Variants in SLC5A6 observed in about 807,000 individuals in gnomAD.
SLC5A6 encodes the protein solute carrier family 5 member 6, also known as sodium-dependent multivitamin transporter.
Under a neutral mutation model 67.9 loss-of-function variants are expected in SLC5A6, and 31 were observed. That is an observed-to-expected ratio of 0.46 (90% CI 0.34 to 0.62). SLC5A6 has a LOEUF of 0.62. SLC5A6 is among the 20% of genes least tolerant of loss of function. The pLI is 0.01. For synonymous variants in SLC5A6, 343 were observed against 331.0 expected (o/e 1.04, Z -0.39); for missense variants, 673 against 812.8 (o/e 0.83, Z 2.09).
chr2:27,212,431 C>G (rs1263956061), upstream of SLC5A6: 3 of 1,558,642 alleles, frequency 1.9e-6, no homozygotes, highest in African/African-American at 4.1e-5. Context: ...CCCTGCTCCT[C>G]GCTCTGGGCG....
intron 16 of SLC5A6, 99 bp from the exon 17 acceptor site, chr2:27,200,678 C>G (rs570743704): frequency 7.6e-7 from 1 of 1,309,004 alleles, no homozygotes; most frequent in South Asian, 1.4e-5. Flanking sequence ...GGGAGCCCAG[C>G]AAGGCTGGGT....
rs138079521 is a variant in SLC5A6, at chr2:27,201,359, G to C, written c.1639C>G (p.Leu547Val). The part of the protein sequence containing the change: ...TVIVVGLIVS[L>V]LTGRMRGRSL... ...AATCCCACACCCTTACCAGTGAGTA[G>C]ACTGACAATCAGGCCCACCACAATC... The change falls in exon 15 of 17, where the codon CTA (leucine) becomes GTA (valine). Residue 547 changes from leucine to valine, a missense_variant. Transcript: ENST00000310574. The C allele has an allele frequency of 3.9e-5, 63 of 1,604,904 alleles. No homozygotes were observed. In the African/African-American group the frequency reaches 6.5e-4, roughly 17 times the overall value.
intron 6 of SLC5A6, 137 bp from the exon 7 acceptor site, chr2:27,205,641 G>C (rs1462121332): frequency 9.5e-7 from 1 of 1,056,872 alleles, no homozygotes; most frequent in Non-Finnish European, 1.4e-6. Flanking sequence ...CCAGTTTTTA[G>C]TTTCTGTCTC....
intron 15 of SLC5A6, 47 bp downstream of exon 15, chr2:27,201,303 C>T (rs1673616231): frequency 7.6e-7 from 1 of 1,319,264 alleles, no homozygotes; most frequent in East Asian, 2.3e-5. Flanking sequence ...TTAGGGCCCT[C>T]TGTTAACCCC....
In SLC5A6 at chr2:27,202,739, G is replaced by A; in HGVS notation, c.1275+74C>T. ...CCCGGTCATTCCCCTCAATATAGCT[G>A]CCCTTCTCAACTTCCTGTTTCAATC... On this transcript the variant is annotated intron_variant, in intron 12 of 16. Transcript: ENST00000310574. 9.4e-6 allele frequency: 12 copies of A among 1,283,406 alleles called. 1 individual carries two copies. In the South Asian group the frequency reaches 1.4e-4, roughly 15 times the overall value. 79.5% of individuals were successfully genotyped at this position (1,283,406 alleles called of 1,614,324 possible).
At chr2:27,204,362 C>T (rs990884756) in intron 9 of SLC5A6, 99 bp downstream of exon 9, 11 of 1,377,656 alleles carry the variant, frequency 8.0e-6, no homozygotes, top group Non-Finnish European at 1.1e-5. Flanking sequence ...GTCTCCCACC[C>T]AGGGTGGGAG....
chr2:27,212,073 G>A lies in SLC5A6; in HGVS notation c.-261C>T. 1.6e-6 allele frequency: 2 copies of A among 1,273,958 alleles called. No individual in the cohort carries two copies. Among genetic ancestry groups the A allele is most frequent in the Non-Finnish European group, 2.1e-6 (2 of 950,168 alleles). 78.9% of individuals were successfully genotyped at this position (1,273,958 alleles called of 1,614,324 possible). On this transcript the variant is annotated 5_prime_UTR_variant, in exon 1 of 17. Transcript: ENST00000310574. ...TGCGAAGCCGCGACCTCGGCGTCCGGACGCGGGGAACACCGGGCTGAGGGA... is the reference window on the plus strand; with the variant it reads ...TGCGAAGCCGCGACCTCGGCGTCCGAACGCGGGGAACACCGGGCTGAGGGA...
Position 27,204,775 on chromosome 2 carries a change from C to A in SLC5A6, c.875+16G>T, listed in dbSNP as rs1405811381. On this transcript the variant is annotated intron_variant, in intron 8 of 16. Coordinates refer to ENST00000310574, the MANE Select transcript of SLC5A6 (RefSeq NM_021095.4). ...CCCTAGACCTTGCTCCACTCCCTTC[C>A]TGTCCCTGCACTCACAGCACAGCAG... 1 of 1,614,114 alleles carries A rather than the reference C, an allele frequency of 6.2e-7. No homozygotes were observed. The highest frequency in any genetic ancestry group is 8.5e-7 in the Non-Finnish European group (1 of 1,179,968).
In SLC5A6 at chr2:27,206,014, T is replaced by C. The variant is rs1674034854; in HGVS notation, c.579+12A>G. ...CCCTTCCCCTCCCCACACCACGGCT[T>C]ACTGCACTTACCAGAGCTGTATAGA... On this transcript the variant is annotated intron_variant, in intron 6 of 16. Transcript: ENST00000310574. 6.2e-7 allele frequency: 1 copy of C among 1,607,164 alleles called. No individual in the cohort carries two copies. Among genetic ancestry groups the C allele is most frequent in the South Asian group, 1.1e-5 (1 of 90,928 alleles).
At position 27,199,692 on chromosome 2, in the gene SLC5A6, C is replaced by T. The variant is rs1467423297; in HGVS notation, c.*744G>A. 6.6e-5 allele frequency: 10 copies of T among 152,486 alleles called. No homozygotes were observed. The highest frequency in any genetic ancestry group is 5.2e-4 in the Admixed American group (8 of 15,272). 9.4% of individuals were successfully genotyped at this position (152,486 alleles called of 1,614,324 possible). On this transcript the variant is annotated 3_prime_UTR_variant, in exon 17 of 17. Coordinates refer to ENST00000310574, the MANE Select transcript of SLC5A6 (RefSeq NM_021095.4). ...ATGACAGAAATGACACCACGGCAGC[C>T]TGGCTCAGGAGTCAGGTAGATAGAT... is the stretch of plus-strand genomic sequence containing the variant.
chr2:27,201,182 T>C, intron 15 of SLC5A6, 69 bp from the exon 16 acceptor site: 1 of 1,262,120 alleles, frequency 7.9e-7, no homozygotes, highest in Non-Finnish European at 1.1e-6. Context: ...TGTCCTCCCT[T>C]GGCCCCCAGA....
chr2:27,206,289 G>A, intron 5 of SLC5A6, 194 bp downstream of exon 5: 1 of 697,538 alleles, frequency 1.4e-6, no homozygotes, highest in East Asian at 2.7e-5. Context: ...ATAGGGCATG[G>A]TAACATGTTA....
rs568571649 is a variant in SLC5A6 at position 27,206,041 on chromosome 2, G to A, written c.564C>T (p.Thr188=). Reference sequence around the variant, plus strand: ...CTGCACTTACCAGAGCTGTATAGACGGTACAGACAATGCCCAGGGCCAGCA... The same window carrying A: ...CTGCACTTACCAGAGCTGTATAGACAGTACAGACAATGCCCAGGGCCAGCA... ...LSVLALGIVC[T]VYTALGGLKA... is the part of the protein sequence containing the mutation. Residue 188 remains threonine (T), a synonymous_variant, in exon 6 of 17, where the codon ACC becomes ACT. Coordinates refer to ENST00000310574, the MANE Select transcript of SLC5A6 (RefSeq NM_021095.4). 3.4e-5 allele frequency: 55 copies of A among 1,613,630 alleles called. No individual in the cohort carries two copies. Among genetic ancestry groups the A allele is most frequent in the South Asian group, 2.4e-4 (22 of 91,052 alleles).
intron 8 of SLC5A6, 44 bp downstream of exon 8, chr2:27,204,747 T>C: frequency 6.2e-7 from 1 of 1,612,704 alleles, no homozygotes; most frequent in Non-Finnish European, 8.5e-7. Context: ...GGGGAACCCC[T>C]TCCCCTAGAC....
rs760983594 is a variant in SLC5A6, at chr2:27,200,571, G to A, written c.1773C>T (p.Leu591=). The change falls in exon 17 of 17, where the codon CTC becomes CTT. Residue 591 remains leucine (L), a synonymous_variant. Transcript: ENST00000310574. The part of the protein sequence containing the change: ...LHCRSYGQDH[L]DTGLFPEKPR... Reference sequence around the variant, plus strand: ...GCTTCTCAGGAAACAGGCCAGTGTCGAGGTGGTCCTGCAAACACAGAGCCA... The same window carrying A: ...GCTTCTCAGGAAACAGGCCAGTGTCAAGGTGGTCCTGCAAACACAGAGCCA... 1.8e-5 allele frequency: 29 copies of A among 1,611,784 alleles called. No homozygotes were observed. The highest frequency in any genetic ancestry group is 3.3e-5 in the South Asian group (3 of 90,840).
In SLC5A6 at chr2:27,204,534, A is replaced by G. The variant is rs1275523; in HGVS notation, c.932T>C (p.Ile311Thr). Residue 311 changes from isoleucine to threonine, a missense_variant, in exon 9 of 17, where the codon ATT (isoleucine) becomes ACT (threonine). Physicochemically the swap from Ile to Thr is moderately conservative, Grantham distance 89 (BLOSUM62 -1). Transcript: ENST00000310574. ...GTAATACGCGAACATGACCAGGCCAATGAGGCAGCCCACGCAGAGGGACAC... is the reference window on the plus strand; with the variant it reads ...GTAATACGCGAACATGACCAGGCCAGTGAGGCAGCCCACGCAGAGGGACAC... ...QQVSLCVGCL[I>T]GLVMFAYYQE... 2.1e-4 allele frequency: 332 copies of G among 1,613,966 alleles called. No homozygotes were observed. The highest frequency in any genetic ancestry group is 2.5e-4 in the Non-Finnish European group (300 of 1,179,970).
rs545962022 is a variant in SLC5A6, at chr2:27,201,063, G to C, written c.1699C>G (p.Pro567Ala). 10 of 1,613,892 alleles carry C rather than the reference G, an allele frequency of 6.2e-6. No homozygotes were observed. The East Asian group carries it at 2.2e-4, about 36-fold the overall frequency. ...AACGGAAGGAGGGACAGGAGCTTTG[G>C]CAACACTGGGTAAATGGTTGCAGGG... ...LNPATIYPVL[P>A]KLLSLLPLSC... is the part of the protein sequence containing the mutation. The change falls in exon 16 of 17, where the codon CCA (proline) becomes GCA (alanine). Residue 567 changes from proline to alanine, a missense_variant. Physicochemically the swap from Pro to Ala is conservative, Grantham distance 27 (BLOSUM62 -1). Coordinates refer to ENST00000310574, the MANE Select transcript of SLC5A6 (RefSeq NM_021095.4).
intron 4 of SLC5A6, 63 bp downstream of exon 4, chr2:27,206,814 G>T: frequency 8.0e-7 from 1 of 1,253,254 alleles, no homozygotes; most frequent in Non-Finnish European, 1.2e-6. Context: ...AATTCCCTCA[G>T]CATGCTTGCG....
In SLC5A6 at chr2:27,202,080, A is replaced by C. The variant is rs1271050527; in HGVS notation, c.1276-6T>G. The C allele has an allele frequency of 6.2e-7, 1 of 1,609,070 alleles. No individual in the cohort carries two copies. Among genetic ancestry groups the C allele is most frequent in the African/African-American group, 1.3e-5 (1 of 74,948 alleles). ...CCAAAGATGCTGATTGCTGCCTAGGAGGACAGGGTGAGAAGAAAAGGAAAA... is the reference window on the plus strand; with the variant it reads ...CCAAAGATGCTGATTGCTGCCTAGGCGGACAGGGTGAGAAGAAAAGGAAAA... On this transcript the variant is annotated splice_polypyrimidine_tract_variant and splice_region_variant and intron_variant, in intron 12 of 16. Transcript: ENST00000310574.
Sources: gnomAD v4.1 joint callset for allele counts on GRCh38, gnomAD v4.1.1 for gene constraint, MANE v1.5 for transcripts, NCBI Gene and HGNC (gene_info 2026-07-23, HGNC 2026-07-21) for gene names.